ASIC2: variants seen among roughly 807,000 people sequenced by gnomAD.
The protein encoded by ASIC2 is acid-sensing ion channel 2.
In ASIC2, 25 loss-of-function variants were observed where a neutral mutation model predicts 57.3. The observed-to-expected ratio is 0.44, with a 90% confidence interval of 0.32 to 0.61. The LOEUF is 0.61. Ranked by LOEUF, ASIC2 falls within the 20% of genes least tolerant of loss-of-function variation. The pLI is 0.06. For synonymous variants in ASIC2, 319 were observed against 307.5 expected, an observed-to-expected ratio of 1.04 and a Z score of -0.39; for missense variants, 641 against 738.1, an observed-to-expected ratio of 0.87 and a Z score of 1.52.
intron 2 of ASIC2, among the ~76,000 whole-genome samples, chr17:33,095,257 C>T (rs1038653407): frequency 6.6e-6 from 1 of 151,990 alleles, no homozygotes; most frequent in Non-Finnish European, 1.5e-5. Context: ...GTAGACTGGC[C>T]CCTCCTCTCA....
In ASIC2 at chr17:33,392,051, G is replaced by A. The variant is rs1488385866; in HGVS notation, c.556-279984C>T. Among the ~76,000 whole-genome samples, 11 of 152,210 alleles carry A rather than the reference G, an allele frequency of 7.2e-5. No individual in the cohort carries two copies. The South Asian group carries it at 1.2e-3, about 17-fold the overall frequency. On this transcript the variant is annotated intron_variant, in intron 1 of 9. Transcript: ENST00000359872. ...TATTTCTGTTTCTGTTTTGCCCTTCGCCAATGGATTCAAAATCTTGGAGTT... is the reference window on the plus strand; with the variant it reads ...TATTTCTGTTTCTGTTTTGCCCTTCACCAATGGATTCAAAATCTTGGAGTT...
chr17:33,310,278 T>C (rs1440760820), intron 1 of ASIC2, among the ~76,000 whole-genome samples: 1 of 152,088 alleles, frequency 6.6e-6, no homozygotes, highest in East Asian at 1.9e-4. Flanking sequence ...TCTAGGGTCA[T>C]GCCCCAACTC....
In ASIC2 at chr17:33,502,423, C is replaced by G. The variant is rs906256636; in HGVS notation, c.556-390356G>C. 3.3e-5 allele frequency among the ~76,000 whole-genome samples: 5 copies of G among 152,168 alleles called. No individual in the cohort carries two copies. In the East Asian group the frequency reaches 9.6e-4, roughly 29 times the overall value. On this transcript the variant is annotated intron_variant, in intron 1 of 9. Transcript: ENST00000359872. The stretch of plus-strand genomic sequence containing the variant: ...GCTCAACTTCTCCTGGGTTACACCT[C>G]TGGGGTTATACCCGCATTTGGGGCA...
chr17:33,048,572 T>C (rs1598252520), intron 3 of ASIC2, among the ~76,000 whole-genome samples: 1 of 152,224 alleles, frequency 6.6e-6, no homozygotes, highest in African/African-American at 2.4e-5. Flanking sequence ...TTACTCTCAT[T>C]TTCCAGAAGA....
chr17:33,608,803 T>C (rs16968647), intron 1 of ASIC2, among the ~76,000 whole-genome samples: 10,670 of 152,254 alleles, frequency 0.07, 1,127 homozygotes, highest in African/African-American at 0.22. Context: ...TTACTTCTTC[T>C]GCATTCGTTC....
chr17:33,507,278 G>A (rs1914292562), intron 1 of ASIC2, among the ~76,000 whole-genome samples: 1 of 152,180 alleles, frequency 6.6e-6, no homozygotes, highest in Non-Finnish European at 1.5e-5. Context: ...CTCCCAGAGA[G>A]GGCCCACAGA....
At chr17:33,685,471 G>A (rs1908156541) in intron 1 of ASIC2, among the ~76,000 whole-genome samples, 1 of 152,156 alleles carries the variant, frequency 6.6e-6, no homozygotes, top group African/African-American at 2.4e-5. Flanking sequence ...TCCCACCTGA[G>A]CTCCAAATTA....
intron 1 of ASIC2, among the ~76,000 whole-genome samples, chr17:33,763,212 T>C (rs562957972): frequency 6.6e-5 from 10 of 152,342 alleles, no homozygotes; most frequent in African/African-American, 2.2e-4. Flanking sequence ...TCTTGTTGAT[T>C]GATCTCTCTC....
chr17:33,410,955 T>C (rs1910638059), intron 1 of ASIC2, among the ~76,000 whole-genome samples: 1 of 152,174 alleles, frequency 6.6e-6, no homozygotes, highest in African/African-American at 2.4e-5. Flanking sequence ...CATAACATAT[T>C]TGTCAGATGA....
At chr17:33,509,337 A>G (rs1273555458) in intron 1 of ASIC2, among the ~76,000 whole-genome samples, 2 of 152,196 alleles carry the variant, frequency 1.3e-5, no homozygotes, top group African/African-American at 4.8e-5. Flanking sequence ...GACTATGGAC[A>G]TTGGCAAAAC....
At chr17:33,476,547 GTGTGTGTGTGT>G (rs1567624931) in intron 1 of ASIC2, among the ~76,000 whole-genome samples, 34 of 89,528 alleles carry the variant, frequency 3.8e-4, no homozygotes, top group Admixed American at 1.0e-3. Context: ...GTACAGGGGT[GTGTGTGTGTGT>G]GTGTGTGTGT....
chr17:33,406,281 A>T (rs565229934), intron 1 of ASIC2, among the ~76,000 whole-genome samples: 1 of 152,212 alleles, frequency 6.6e-6, no homozygotes, highest in Non-Finnish European at 1.5e-5. Flanking sequence ...CAGCCCACAG[A>T]CTTGATATGA....
intron 1 of ASIC2, among the ~76,000 whole-genome samples, chr17:33,790,411 A>C (rs1911737099): frequency 6.6e-6 from 1 of 152,220 alleles, no homozygotes. Flanking sequence ...CATAGAAAAA[A>C]TGTATTATAG....
intron 1 of ASIC2, among the ~76,000 whole-genome samples, chr17:33,827,298 A>G (rs1912952136): frequency 1.4e-5 from 2 of 146,128 alleles, no homozygotes; most frequent in African/African-American, 5.1e-5. Flanking sequence ...TATTTTCTTT[A>G]CTTTAGACCC....
chr17:33,441,144 C>T (rs1911809806), intron 1 of ASIC2, among the ~76,000 whole-genome samples: 1 of 151,854 alleles, frequency 6.6e-6, no homozygotes, highest in Admixed American at 6.6e-5. Context: ...AATTTATTTA[C>T]TTATATTTTT....
intron 3 of ASIC2, among the ~76,000 whole-genome samples, chr17:33,059,429 A>C (rs1380374115): frequency 6.6e-6 from 1 of 152,040 alleles, no homozygotes; most frequent in Non-Finnish European, 1.5e-5. Context: ...TTGTCCTTGC[A>C]ATAGTTTCCT....
At chr17:33,779,967 C>A (rs1009090195) in intron 1 of ASIC2, among the ~76,000 whole-genome samples, 1 of 85,206 alleles carries the variant, frequency 1.2e-5, no homozygotes, top group Non-Finnish European at 2.1e-5. Flanking sequence ...CTACAGAAGC[C>A]TTTTTTTTTT....
At chr17:34,034,252 G>A (rs980682177) in intron 1 of ASIC2, among the ~76,000 whole-genome samples, 10 of 152,096 alleles carry the variant, frequency 6.6e-5, no homozygotes, top group African/African-American at 2.4e-4. Flanking sequence ...CAGAACCAAA[G>A]ACAAAAACCA....
At chr17:33,560,412 T>TTATTC (rs1195150705) in intron 1 of ASIC2, among the ~76,000 whole-genome samples, 1 of 152,232 alleles carries the variant, frequency 6.6e-6, no homozygotes, top group Non-Finnish European at 1.5e-5. Flanking sequence ...CCAAAGGACT[T>TTATTC]ATGAGTTGAT....
Sources: allele counts gnomAD v4.1 joint callset (sites outside exome capture counted in the v4.1 genomes callset), GRCh38; gene constraint gnomAD v4.1.1; transcripts MANE v1.5; gene names NCBI Gene and HGNC (gene_info 2026-07-23, HGNC 2026-07-21).